The following NMNAT1 variants were observed in gnomAD, a reference collection of about 807,000 sequenced individuals.
NMNAT1 encodes nicotinamide/nicotinic acid mononucleotide adenylyltransferase 1.
A neutral mutation model predicts 16.7 loss-of-function variants in NMNAT1; 11 were observed. That is an observed-to-expected ratio of 0.66 (90% CI 0.41 to 1.09). The LOEUF (loss-of-function observed/expected upper bound fraction) is 1.09. NMNAT1 is among the 50% of genes least tolerant of loss of function. The probability of loss-of-function intolerance (pLI) is 0.00; values close to 1 mark genes in which losing one functional copy is unlikely to be tolerated. For missense variants in NMNAT1, 280 were observed against 332.3 expected, an observed-to-expected ratio of 0.84 and a Z score of 1.22; for synonymous variants, 110 against 119.8, an observed-to-expected ratio of 0.92 and a Z score of 0.53.
rs546237656 is a variant in NMNAT1, at chr1:9,963,412, CT to C, written c.-56-8593del. The stretch of plus-strand genomic sequence containing the variant: ...CAGATTTATTTTTAACCCACTATTT[CT>C]TTTTTTTTTTTTCCAAGATGGCGTC... On this transcript the variant is annotated intron_variant, in intron 1 of 4. Coordinates refer to ENST00000377205, the MANE Select transcript of NMNAT1 (RefSeq NM_022787.4). Among the ~76,000 whole-genome samples, 758 of 144,562 alleles carry C rather than the reference CT, an allele frequency of 5.2e-3. 4 individuals are homozygous for C. The highest frequency in any genetic ancestry group is 6.9e-3 in the Non-Finnish European group (453 of 65,582). 94.8% of individuals were successfully genotyped at this position (144,562 alleles called of 152,430 possible). A position where few individuals can be genotyped will look rare whatever the true frequency, so the allele number is the denominator to read the frequency against.
In NMNAT1 at chr1:9,984,966, G is replaced by A. The variant is rs1419302063; in HGVS notation, c.*2265G>A. 1 of 152,070 alleles carries A rather than the reference G, an allele frequency of 6.6e-6. No individual in the cohort carries two copies. The highest frequency in any genetic ancestry group is 2.4e-5 in the African/African-American group (1 of 41,426). 9.4% of individuals were successfully genotyped at this position (152,070 alleles called of 1,614,324 possible). On this transcript the variant is annotated 3_prime_UTR_variant, in exon 5 of 5. Coordinates refer to ENST00000377205, the MANE Select transcript of NMNAT1 (RefSeq NM_022787.4). ...ACAGAGTAGAAGGAAGGATGCCCTA[G>A]GTCAGCATGCAGGGTGGTGGGAGGG...
At chr1:9,967,317 G>A (rs534231171) in intron 1 of NMNAT1, 5 of 154,096 alleles carry the variant, frequency 3.2e-5, no homozygotes, top group Middle Eastern at 5.3e-4. Flanking sequence ...TAACAACATC[G>A]TCGAACTTAC....
At chr1:9,981,995 C>T (rs1486491641) in intron 4 of NMNAT1, among the ~76,000 whole-genome samples, 4 of 152,136 alleles carry the variant, frequency 2.6e-5, no homozygotes, top group Middle Eastern at 3.2e-3. Flanking sequence ...TCTCAAGTAT[C>T]TGGGGTTACA....
At chr1:9,965,196 A>T (rs955675828) in intron 1 of NMNAT1, among the ~76,000 whole-genome samples, 1 of 149,332 alleles carries the variant, frequency 6.7e-6, no homozygotes, top group Non-Finnish European at 1.5e-5. Context: ...GTGGGCCTGT[A>T]GTCCCAGATG....
intron 1 of NMNAT1, among the ~76,000 whole-genome samples, chr1:9,944,559 A>G (rs760347480): frequency 1.3e-5 from 2 of 152,156 alleles, no homozygotes; most frequent in Non-Finnish European, 2.9e-5. Flanking sequence ...TGTGTTGCCC[A>G]GGCTGGAGTG....
intron 2 of NMNAT1, among the ~76,000 whole-genome samples, chr1:9,974,722 C>T (rs1338474811): frequency 6.6e-6 from 1 of 151,970 alleles, no homozygotes; most frequent in East Asian, 1.9e-4. Flanking sequence ...CTGGGTCCCA[C>T]TGTTTTGCCC....
At chr1:9,948,417 A>C (rs1419841774) in intron 1 of NMNAT1, among the ~76,000 whole-genome samples, 1 of 152,094 alleles carries the variant, frequency 6.6e-6, no homozygotes, top group African/African-American at 2.4e-5. Context: ...TCTACAAAAA[A>C]ATACAAAAGA....
chr1:9,987,974 C>G (rs1642065860), downstream of NMNAT1, among the ~76,000 whole-genome samples: 1 of 152,108 alleles, frequency 6.6e-6, no homozygotes. Flanking sequence ...ATAAGCTGGT[C>G]TAGCATGAAG....
In NMNAT1 at chr1:9,981,374, A is replaced by G. The variant is rs1641945857; in HGVS notation, c.439+204A>G. On this transcript the variant is annotated intron_variant, in intron 4 of 4. Transcript: ENST00000377205. ...CTCAGCCTCCTGAGCAGCTGGGACT[A>G]CAGGTGCCTGCCACCACGCCTGTCT... 5 of 649,934 alleles carry G rather than the reference A, an allele frequency of 7.7e-6. No homozygotes were observed. The South Asian group carries it at 8.3e-5, about 11-fold the overall frequency. The allele number at this position is 649,934 out of a possible 1,614,324, so 40.3% of individuals were successfully genotyped here.
chr1:9,972,494 C>CA (rs34232396), intron 2 of NMNAT1: 21,650 of 142,996 alleles, frequency 0.15, 2,017 homozygotes, highest in African/African-American at 0.25. Context: ...GACACCATCT[C>CA]AAAAAAAAAA....
chr1:9,993,917 T>C, the NMNAT1 span, among the ~76,000 whole-genome samples: 2 of 152,254 alleles, frequency 1.3e-5, no homozygotes, highest in East Asian at 3.9e-4. Flanking sequence ...GAGGTGGCAC[T>C]GAACGTGCAG....
At chr1:9,949,375 G>A (rs1391194425) in intron 1 of NMNAT1, among the ~76,000 whole-genome samples, 2 of 149,024 alleles carry the variant, frequency 1.3e-5, no homozygotes, top group African/African-American at 4.9e-5. Context: ...ATAAGGGGGA[G>A]GTTGTGGTTA....
chr1:9,983,489 T>TA lies in NMNAT1; in HGVS notation c.*789dup. ...GGCCAATATGGTGAAACCCCATCTCTACTAAGAATACAAAAAATTAGCTGA... is the reference window on the plus strand; with the variant it reads ...GGCCAATATGGTGAAACCCCATCTCTAACTAAGAATACAAAAAATTAGCTGA... On this transcript the variant is annotated 3_prime_UTR_variant, in exon 5 of 5. Coordinates refer to ENST00000377205, the MANE Select transcript of NMNAT1 (RefSeq NM_022787.4). 1 of 151,626 alleles carries TA rather than the reference T, an allele frequency of 6.6e-6. No homozygotes were observed. The highest frequency in any genetic ancestry group is 2.1e-4 in the South Asian group (1 of 4,808). 9.4% of individuals were successfully genotyped at this position (151,626 alleles called of 1,614,324 possible).
chr1:9,955,258 G>A (rs980826168), intron 1 of NMNAT1, among the ~76,000 whole-genome samples: 1 of 151,986 alleles, frequency 6.6e-6, no homozygotes, highest in Non-Finnish European at 1.5e-5. Flanking sequence ...CAAAAAATTA[G>A]CTGGGCGTGG....
downstream of NMNAT1, among the ~76,000 whole-genome samples, chr1:9,989,294 C>T (rs61782884): frequency 0.084 from 12,766 of 151,956 alleles, 835 homozygotes; most frequent in African/African-American, 0.18. Flanking sequence ...CCCACCTGTA[C>T]TAAAAATACA....
chr1:9,991,055 A>G, the NMNAT1 span, among the ~76,000 whole-genome samples: 1 of 152,188 alleles, frequency 6.6e-6, no homozygotes, highest in Admixed American at 6.5e-5. Flanking sequence ...CATACCAACC[A>G]GCACGAAGGT....
At chr1:9,958,325 T>C (rs1368023673) in intron 1 of NMNAT1, among the ~76,000 whole-genome samples, 2 of 152,174 alleles carry the variant, frequency 1.3e-5, no homozygotes, top group South Asian at 2.1e-4. Flanking sequence ...TTGAGATCCA[T>C]TGCATTCTAA....
intron 1 of NMNAT1, among the ~76,000 whole-genome samples, chr1:9,970,403 A>G (rs1641660858): frequency 6.6e-6 from 1 of 152,098 alleles, no homozygotes; most frequent in Non-Finnish European, 1.5e-5. Context: ...TAGTTGAATA[A>G]GAAATTTTAG....
chr1:9,979,557 T>A (rs1335109609), intron 3 of NMNAT1, among the ~76,000 whole-genome samples: 1 of 152,092 alleles, frequency 6.6e-6, no homozygotes, highest in Non-Finnish European at 1.5e-5. Context: ...TCCCAGCACT[T>A]TGGGAGGCCT....
Sources: allele counts gnomAD v4.1 joint callset (sites outside exome capture counted in the v4.1 genomes callset), GRCh38; gene constraint gnomAD v4.1.1; transcripts MANE v1.5; gene names NCBI Gene and HGNC (gene_info 2026-07-23, HGNC 2026-07-21).